Variants in LPAR1 observed in about 807,000 individuals in gnomAD.
LPAR1 encodes the protein LPA receptor 1.
LPAR1 carries 5 observed loss-of-function variants against 23.8 expected under a neutral mutation model. The ratio of observed to expected loss-of-function variants is 0.21; its 90% CI spans 0.11 to 0.44. The LOEUF is 0.44. Among genes scored for constraint, LPAR1 ranks in the 20% least tolerant of loss-of-function variants. The probability of loss-of-function intolerance (pLI) is 0.99; values close to 1 mark genes in which losing one functional copy is unlikely to be tolerated. For synonymous variants in LPAR1, 160 were observed against 164.7 expected (o/e 0.97, Z 0.22); for missense variants, 311 against 482.8 (o/e 0.64, Z 3.33).
chr9:110,899,553 G>A (rs1487366343), intron 5 of LPAR1, among the ~76,000 whole-genome samples: 1 of 152,156 alleles, frequency 6.6e-6, no homozygotes, highest in Non-Finnish European at 1.5e-5. Context: ...GGAGGAGAAA[G>A]GAAATGATAG....
chr9:111,013,522 C>T (rs1412123754), intron 2 of LPAR1, among the ~76,000 whole-genome samples: 1 of 152,116 alleles, frequency 6.6e-6, no homozygotes, highest in African/African-American at 2.4e-5. Context: ...GACCAAAGTA[C>T]CACTTTACCC....
At chr9:110,996,407 A>C (rs12002728) in intron 2 of LPAR1, among the ~76,000 whole-genome samples, 1 of 152,086 alleles carries the variant, frequency 6.6e-6, no homozygotes, top group Non-Finnish European at 1.5e-5. Flanking sequence ...AAAAATAATA[A>C]TAAATATAAA....
chr9:110,909,294 C>T (rs2091991334), intron 5 of LPAR1, among the ~76,000 whole-genome samples: 1 of 152,170 alleles, frequency 6.6e-6, no homozygotes, highest in Non-Finnish European at 1.5e-5. Flanking sequence ...AGACCAAACC[C>T]CGGGTGTTTC....
chr9:110,943,572 T>A (rs2095255365), intron 4 of LPAR1, among the ~76,000 whole-genome samples: 1 of 152,140 alleles, frequency 6.6e-6, no homozygotes, highest in South Asian at 2.1e-4. Flanking sequence ...CTTAAAGAGA[T>A]CACAGTCCAG....
chr9:110,985,997 G>A (rs902974078), intron 2 of LPAR1, among the ~76,000 whole-genome samples: 42 of 152,144 alleles, frequency 2.8e-4, no homozygotes, highest in African/African-American at 9.6e-4. Flanking sequence ...ATTTTAAGGG[G>A]AAATGAGGAG....
At chr9:110,925,834 C>G (rs2093981276) in intron 5 of LPAR1, among the ~76,000 whole-genome samples, 1 of 152,194 alleles carries the variant, frequency 6.6e-6, no homozygotes, top group Non-Finnish European at 1.5e-5. Context: ...AGTACTCTAC[C>G]CAGTTATAGA....
At position 110,942,185 on chromosome 9, in the gene LPAR1, A is replaced by G; in HGVS notation, c.46-17T>C. ...GGCTGTGAACTAAAAGAAAAAGGAGAAAAGATGATGAAAAAGAAGGCACAG... is the reference window on the plus strand; with the variant it reads ...GGCTGTGAACTAAAAGAAAAAGGAGGAAAGATGATGAAAAAGAAGGCACAG... On this transcript the variant is annotated splice_polypyrimidine_tract_variant and intron_variant, in intron 4 of 5. Transcript: ENST00000683809. The G allele has an allele frequency of 6.3e-7, 1 of 1,580,576 alleles. No individual in the cohort carries two copies. Among genetic ancestry groups the G allele is most frequent in the South Asian group, 1.2e-5 (1 of 84,824 alleles).
At chr9:111,034,421 T>A (rs2097854930) in intron 2 of LPAR1, among the ~76,000 whole-genome samples, 1 of 152,186 alleles carries the variant, frequency 6.6e-6, no homozygotes, top group African/African-American at 2.4e-5. Flanking sequence ...AAAAAATGTT[T>A]TCTTGGACAG....
At chr9:110,985,609 T>C (rs775918609) in intron 2 of LPAR1, among the ~76,000 whole-genome samples, 20 of 152,082 alleles carry the variant, frequency 1.3e-4, no homozygotes, top group Non-Finnish European at 2.6e-4. Flanking sequence ...CCAAAACTTA[T>C]ATAAGTAAAC....
Position 111,002,111 on chromosome 9 carries a change from T to C in LPAR1, c.-181-28553A>G, listed in dbSNP as rs76329954. Among the ~76,000 whole-genome samples, 128 of 152,246 alleles carry C rather than the reference T, an allele frequency of 8.4e-4. 1 individual carries two copies. In the East Asian group the frequency reaches 0.023, roughly 28 times the overall value. On this transcript the variant is annotated intron_variant, in intron 2 of 5. Coordinates refer to ENST00000683809, the MANE Select transcript of LPAR1 (RefSeq NM_001351411.2). Reference sequence around the variant, plus strand: ...ATATTTTACCTGGAAATAACAGTGGTTTTTTAAAGTTCTATCTTCAGACTT... The same window carrying C: ...ATATTTTACCTGGAAATAACAGTGGCTTTTTAAAGTTCTATCTTCAGACTT...
rs1198284439 is a variant in LPAR1, at chr9:110,993,431, A to C, written c.-181-19873T>G. On this transcript the variant is annotated intron_variant, in intron 2 of 5. Transcript: ENST00000683809. Reference sequence around the variant, plus strand: ...TTGATCTCTTGATTATAGGCTGTTTATTGTGTAGAATGTTCCTCAGTGGCT... The same window carrying C: ...TTGATCTCTTGATTATAGGCTGTTTCTTGTGTAGAATGTTCCTCAGTGGCT... Among the ~76,000 whole-genome samples, 3 of 151,900 alleles carry C rather than the reference A, an allele frequency of 2.0e-5. No homozygotes were observed. In the East Asian group the frequency reaches 5.8e-4, roughly 29 times the overall value.
At chr9:111,026,427 C>G (rs2097692764) in intron 2 of LPAR1, among the ~76,000 whole-genome samples, 1 of 152,194 alleles carries the variant, frequency 6.6e-6, no homozygotes, top group African/African-American at 2.4e-5. Context: ...GAGATTTTGG[C>G]TGAGACGACA....
intron 5 of LPAR1, among the ~76,000 whole-genome samples, chr9:110,935,318 C>T (rs1214092859): frequency 2.0e-5 from 3 of 151,692 alleles, no homozygotes; most frequent in East Asian, 1.9e-4. Context: ...CTGGGGGTCT[C>T]GGTCTCTTCA....
chr9:110,999,112 A>C (rs1372265972), intron 2 of LPAR1, among the ~76,000 whole-genome samples: 3 of 152,186 alleles, frequency 2.0e-5, no homozygotes, highest in Non-Finnish European at 1.5e-5. Context: ...TATATCCCGC[A>C]CATGGTCATA....
intron 5 of LPAR1, among the ~76,000 whole-genome samples, chr9:110,933,113 G>A (rs2094502645): frequency 6.6e-6 from 1 of 152,212 alleles, no homozygotes; most frequent in Non-Finnish European, 1.5e-5. Flanking sequence ...ATAGGGCTGA[G>A]GCTCAACAAG....
chr9:110,927,185 T>C (rs950438936), intron 5 of LPAR1, among the ~76,000 whole-genome samples: 3 of 151,990 alleles, frequency 2.0e-5, no homozygotes, highest in Non-Finnish European at 4.4e-5. Context: ...AGAATACAGC[T>C]AACGCCTTTG....
chr9:110,992,416 A>C (rs1050183526), intron 2 of LPAR1, among the ~76,000 whole-genome samples: 5 of 152,212 alleles, frequency 3.3e-5, no homozygotes, highest in Non-Finnish European at 5.9e-5. Context: ...GTAAGATAGA[A>C]TCAGTCTGGA....
At chr9:110,942,196 A>C in intron 4 of LPAR1, 28 bp from the exon 5 acceptor site, 1 of 1,571,156 alleles carries the variant, frequency 6.4e-7, no homozygotes, top group Middle Eastern at 1.7e-4. Context: ...AAAGATGATG[A>C]AAAAGAAGGC....
At chr9:110,978,495 A>G (rs1461078046) in intron 2 of LPAR1, among the ~76,000 whole-genome samples, 1 of 152,106 alleles carries the variant, frequency 6.6e-6, no homozygotes, top group Non-Finnish European at 1.5e-5. Context: ...TTAGAAAACT[A>G]TTACAGATAT....
Sources: gnomAD v4.1 joint callset for allele counts (sites outside exome capture counted in the v4.1 genomes callset) on GRCh38, gnomAD v4.1.1 for gene constraint, MANE v1.5 for transcripts, NCBI Gene and HGNC (gene_info 2026-07-23, HGNC 2026-07-21) for gene names.